CLN3: variants seen among roughly 807,000 people sequenced by gnomAD.
The protein encoded by CLN3 is battenin.
Under a neutral mutation model 60.7 loss-of-function variants are expected in CLN3, and 49 were observed. The observed-to-expected ratio is 0.81, with a 90% CI of 0.64 to 1.02. The LOEUF (loss-of-function observed/expected upper bound fraction) is 1.02, where lower values mean the gene tolerates loss of function less well. Ranked by LOEUF, CLN3 falls within the 50% of genes least tolerant of loss-of-function variation. The probability of loss-of-function intolerance (pLI) is 0.00; values close to 1 mark genes in which losing one functional copy is unlikely to be tolerated. For synonymous variants in CLN3, 256 were observed against 245.8 expected, an observed-to-expected ratio of 1.04 and a Z score of -0.39; for missense variants, 516 against 557.4, an observed-to-expected ratio of 0.93 and a Z score of 0.75.
chr16:28,482,443 CA>C, intron 12 of CLN3, 33 bp downstream of exon 12: 1 of 1,613,946 alleles, frequency 6.2e-7, no homozygotes, highest in Non-Finnish European at 8.5e-7. Context: ...CCCCAATCGC[CA>C]CCTCCACACC....
intron 4 of CLN3, 132 bp from the exon 5 acceptor site, chr16:28,488,794 A>G (rs2046265465): frequency 2.4e-6 from 2 of 828,726 alleles, no homozygotes; most frequent in Non-Finnish European, 4.2e-6. Flanking sequence ...TCAGGACCTC[A>G]GCGTCTCTGC....
chr16:28,490,759 CAAAAAAAAA>C lies in CLN3; in HGVS notation c.125+714_125+722del, dbSNP rs772260404. ...TGGAGGACAGAGAGAGACTCCGTCT[CAAAAAAAAA>C]AAAAAAAAAAAAGGTTCAGGCCCGG... On this transcript the variant is annotated intron_variant, in intron 3 of 15. Transcript: ENST00000636147. Among the ~76,000 whole-genome samples, 382 of 55,102 alleles carry C rather than the reference CAAAAAAAAA, an allele frequency of 6.9e-3. 1 individual carries two copies. Among genetic ancestry groups the C allele is most frequent in the Non-Finnish European group, 0.011 (310 of 27,906 alleles). The allele number at this position is 55,102 out of a possible 152,430, so 36.1% of individuals were successfully genotyped here. A position where few individuals can be genotyped will look rare whatever the true frequency, so the allele number is the denominator to read the frequency against.
Position 28,489,237 on chromosome 16 carries a change from C to G in CLN3, c.222+53G>C, listed in dbSNP as rs2046271816. ...AACTTTACCCCACCTTGTCCCACCC[C>G]CTCATCTTCCCACAGGGACTAACCA... On this transcript the variant is annotated intron_variant, in intron 4 of 15. Coordinates refer to ENST00000636147, the MANE Select transcript of CLN3 (RefSeq NM_001042432.2). 2.1e-6 allele frequency: 3 copies of G among 1,406,972 alleles called. No homozygotes were observed. The Admixed American group carries it at 5.5e-5, about 26-fold the overall frequency. 87.2% of individuals were successfully genotyped at this position (1,406,972 alleles called of 1,614,324 possible).
At position 28,477,636 on chromosome 16, in the gene CLN3, C is replaced by A. The variant is rs386833702; in HGVS notation, c.1198-1G>T. 1.2e-5 allele frequency: 19 copies of A among 1,613,918 alleles called. No homozygotes were observed. The highest frequency in any genetic ancestry group is 1.6e-5 in the Non-Finnish European group (19 of 1,180,048). ...CAAACTCCCGGTGCTCATCACTGGTCTGGGAGGGCAGAGAGCAGGGGTGAG... is the reference window on the plus strand; with the variant it reads ...CAAACTCCCGGTGCTCATCACTGGTATGGGAGGGCAGAGAGCAGGGGTGAG... On this transcript the variant is annotated splice_acceptor_variant, in intron 15 of 15. Transcript: ENST00000636147. LOFTEE classifies it high-confidence loss of function.
chr16:28,470,837 A>G (rs1487699147), downstream of CLN3, among the ~76,000 whole-genome samples: 1 of 132,378 alleles, frequency 7.6e-6, no homozygotes, highest in Non-Finnish European at 1.6e-5. Context: ...ACGCGGGGCA[A>G]GGGAGCGTGA....
chr16:28,485,479 A>G (rs1208759206), intron 9 of CLN3, among the ~76,000 whole-genome samples: 2 of 148,794 alleles, frequency 1.3e-5, no homozygotes, highest in Non-Finnish European at 3.0e-5. Flanking sequence ...GAGGCAGGAG[A>G]ATCACTAGAG....
intron 14 of CLN3, among the ~76,000 whole-genome samples, chr16:28,478,488 C>T (rs2046033190): frequency 6.6e-6 from 1 of 151,050 alleles, no homozygotes; most frequent in Non-Finnish European, 1.5e-5. Flanking sequence ...TGGTGGCACG[C>T]ACCTGCAGTC....
In CLN3 at chr16:28,491,556, C is replaced by T; in HGVS notation, c.51G>A (p.Glu17=). 6.2e-7 allele frequency: 1 copy of T among 1,614,118 alleles called. No homozygotes were observed. Among genetic ancestry groups the T allele is most frequent in the East Asian group, 2.2e-5 (1 of 44,882 alleles). Reference sequence around the variant, plus strand: ...GGAGCCGGGGCTCCGGGACGGTCTCCTCCCCTGGGAGAGCGAGAAGAGGGC... The same window carrying T: ...GGAGCCGGGGCTCCGGGACGGTCTCTTCCCCTGGGAGAGCGAGAAGAGGGC... The part of the protein sequence containing the change: ...SRRRFSDSEG[E]ETVPEPRLPL... The change falls in exon 3 of 16, where the codon GAG becomes GAA. Residue 17 remains glutamate (E), a synonymous_variant. Transcript: ENST00000636147.
rs2141694140 is a variant in CLN3, at chr16:28,477,774, G to A, written c.1160C>T (p.Ala387Val). 8.7e-6 allele frequency: 14 copies of A among 1,614,216 alleles called. No individual in the cohort carries two copies. The highest frequency in any genetic ancestry group is 1.2e-5 in the Non-Finnish European group (14 of 1,180,038). Residue 387 changes from alanine (A) to valine (V), a missense_variant, in exon 15 of 16, where the codon GCA becomes GTA. Transcript: ENST00000636147. Reference protein sequence around the residue: ...IILYEGLLGGAAYVNTFHNIA... With the variant: ...IILYEGLLGGVAYVNTFHNIA... The stretch of plus-strand genomic sequence containing the variant: ...GTTGTGGAAGGTGTTCACGTAGGCT[G>A]CGCCTCCCAGGAGCCCCTCATACAG...
chr16:28,478,144 A>C (rs911661807), intron 14 of CLN3, among the ~76,000 whole-genome samples: 1 of 151,796 alleles, frequency 6.6e-6, no homozygotes, highest in African/African-American at 2.4e-5. Flanking sequence ...ACCCCATCTC[A>C]ACTAAAAATA....
intron 14 of CLN3, among the ~76,000 whole-genome samples, chr16:28,480,423 T>C (rs773760478): frequency 2.0e-5 from 3 of 151,570 alleles, no homozygotes; most frequent in Admixed American, 6.6e-5. Flanking sequence ...TTTTTGGAGA[T>C]GGAGTCTCGC....
downstream of CLN3, chr16:28,470,584 GAA>G (rs2035927387): frequency 1.4e-5 from 1 of 70,216 alleles, no homozygotes; most frequent in Non-Finnish European, 2.3e-5. Context: ...AGGGGGAGGG[GAA>G]GGGGAGGGGG....
rs2141712549 is a variant in CLN3 at position 28,486,479 on chromosome 16, G to C, written c.545C>G (p.Ser182Cys). The C allele has an allele frequency of 6.2e-7, 1 of 1,612,980 alleles. No individual in the cohort carries two copies. The highest frequency in any genetic ancestry group is 8.5e-7 in the Non-Finnish European group (1 of 1,179,594). The change falls in exon 9 of 16, where the codon TCC becomes TGC. Residue 182 changes from serine (S) to cysteine (C), a missense_variant. By Grantham distance (112) the Ser-to-Cys change is moderately radical. Coordinates refer to ENST00000636147, the MANE Select transcript of CLN3 (RefSeq NM_001042432.2). ...TCCCCCAGTCCCTGAGGACCACCAG[G>C]AGATCACGGCCCTGGGAAGGAGAAC... ...LTAFYPRAVISWWSSGTGGAG... is the reference protein window; with the variant it reads ...LTAFYPRAVICWWSSGTGGAG...
At chr16:28,491,969 C>T (rs1162832550) in intron 1 of CLN3, 51 bp downstream of exon 1, 1 of 646,440 alleles carries the variant, frequency 1.5e-6, no homozygotes, top group Admixed American at 2.4e-5. Context: ...CACGCCCCAC[C>T]CATCGTACTC....
At chr16:28,475,256 A>C (rs902413510), downstream of CLN3, 1 of 152,378 alleles carries the variant, frequency 6.6e-6, no homozygotes, top group Non-Finnish European at 1.5e-5. Context: ...GGTCTCCAAG[A>C]AAACAAAAAC....
intron 10 of CLN3, 126 bp downstream of exon 10, chr16:28,483,880 A>G: frequency 1.4e-6 from 1 of 718,622 alleles, no homozygotes; most frequent in South Asian, 1.6e-5. Context: ...TCTCAAATAG[A>G]CAAAGGCTTT....
rs201274333 is a variant in CLN3, at chr16:28,491,760, C to A, written c.-1G>T. The A allele has an allele frequency of 1.9e-5, 30 of 1,613,762 alleles. No homozygotes were observed. The Admixed American group carries it at 5.0e-4, about 27-fold the overall frequency. ...GCCGCGAGCCTGCACAGCCTCCCATCGCATCAAGTTCAGGTCCCCCGAGGG... is the reference window on the plus strand; with the variant it reads ...GCCGCGAGCCTGCACAGCCTCCCATAGCATCAAGTTCAGGTCCCCCGAGGG... On this transcript the variant is annotated 5_prime_UTR_variant, in exon 2 of 16. Coordinates refer to ENST00000636147, the MANE Select transcript of CLN3 (RefSeq NM_001042432.2).
In CLN3 at chr16:28,486,586, G is replaced by C; in HGVS notation, c.525C>G (p.Phe175Leu). The change falls in exon 8 of 16, where the codon TTC (phenylalanine) becomes TTG (leucine). Residue 175 changes from phenylalanine to leucine, a missense_variant. Coordinates refer to ENST00000636147, the MANE Select transcript of CLN3 (RefSeq NM_001042432.2). ...GEVTFLSLTA[F>L]YPRAVISWWS... ...CTGCTCCACCTGCTTACCTGGGGTA[G>C]AAGGCAGTGAGGGAGAGGAAGGTGA... is the stretch of plus-strand genomic sequence containing the variant. 6.2e-7 allele frequency: 1 copy of C among 1,611,106 alleles called. No homozygotes were observed.
rs761369095 is a variant in CLN3 at position 28,488,608 on chromosome 16, T to G, written c.277A>C (p.Asn93His). The G allele has an allele frequency of 5.0e-6, 8 of 1,614,164 alleles. No individual in the cohort carries two copies. In the South Asian group the frequency reaches 8.8e-5, roughly 18 times the overall value. ...GTACGCACAGCCGTAGAGACAGAGT[T>G]GCAGTCAAATCGTGATGAGCTGTTG... ...PHNSSSRFDCNSVSTAAVLLA... is the reference protein window; with the variant it reads ...PHNSSSRFDCHSVSTAAVLLA... Residue 93 changes from asparagine to histidine, a missense_variant, in exon 5 of 16, where the codon AAC becomes CAC. Transcript: ENST00000636147.
Sources: gnomAD v4.1 joint callset for allele counts (sites outside exome capture counted in the v4.1 genomes callset) on GRCh38, gnomAD v4.1.1 for gene constraint, MANE v1.5 for transcripts, NCBI Gene and HGNC (gene_info 2026-07-23, HGNC 2026-07-21) for gene names.